Variants in RAB35 observed in about 807,000 individuals in gnomAD.
RAB35 encodes ras-related protein Rab-35.
Under a neutral mutation model 28.9 loss-of-function variants are expected in RAB35, and 4 were observed. That is an observed-to-expected ratio of 0.14 (90% CI 0.07 to 0.32). The LOEUF (loss-of-function observed/expected upper bound fraction) is 0.32, where lower values mean the gene tolerates loss of function less well. Among genes scored for constraint, RAB35 ranks in the 10% least tolerant of loss-of-function variants. The pLI, the probability that RAB35 is intolerant of heterozygous loss-of-function variation, is 1.00. For synonymous variants in RAB35, 99 were observed against 105.1 expected (o/e 0.94, Z 0.35); for missense variants, 128 against 274.0 (o/e 0.47, Z 3.76).
chr12:120,115,912 C>G (rs555040784), intron 1 of RAB35, among the ~76,000 whole-genome samples: 1 of 152,314 alleles, frequency 6.6e-6, no homozygotes, highest in Admixed American at 6.5e-5. Context: ...TAAGGCAGAT[C>G]CAACTATCAT....
intron 2 of RAB35, among the ~76,000 whole-genome samples, chr12:120,107,313 A>C (rs1243248535): frequency 1.3e-5 from 2 of 152,194 alleles, no homozygotes; most frequent in Non-Finnish European, 2.9e-5. Context: ...ACAAACAAAA[A>C]TGTGTTCCAT....
intron 3 of RAB35, among the ~76,000 whole-genome samples, chr12:120,099,762 A>G (rs1047908220): frequency 6.6e-6 from 1 of 152,138 alleles, no homozygotes; most frequent in Admixed American, 6.5e-5. Context: ...CACCCCAAAC[A>G]TGCAGAGCCC....
Position 120,095,935 on chromosome 12 carries a change from G to C in RAB35, c.*1310C>G, listed in dbSNP as rs1875367112. 1 of 158,188 alleles carries C rather than the reference G, an allele frequency of 6.3e-6. No homozygotes were observed. Among genetic ancestry groups the C allele is most frequent in the Non-Finnish European group, 1.4e-5 (1 of 71,952 alleles). The allele number at this position is 158,188 out of a possible 1,614,324, so 9.8% of individuals were successfully genotyped here. ...GTCACTTGATCCCTGTAGTGGGAGG[G>C]GAATGAGGTGTCCGGGCTGGGGGTC... On this transcript the variant is annotated 3_prime_UTR_variant, in exon 6 of 6. Transcript: ENST00000229340.
In RAB35 at chr12:120,107,276, C is replaced by T. The variant is rs1181900638; in HGVS notation, c.103+1141G>A. Among the ~76,000 whole-genome samples, 9 of 152,108 alleles carry T rather than the reference C, an allele frequency of 5.9e-5. No individual in the cohort carries two copies. The South Asian group carries it at 6.2e-4, about 11-fold the overall frequency. Reference sequence around the variant, plus strand: ...TGCTGGGATTACAGGTGTGAGCCACCGCACCCGGCTGAACCTGATGTATTT... The same window carrying T: ...TGCTGGGATTACAGGTGTGAGCCACTGCACCCGGCTGAACCTGATGTATTT... On this transcript the variant is annotated intron_variant, in intron 2 of 5. Transcript: ENST00000229340.
At chr12:120,116,514 A>C (rs2139066992) in intron 1 of RAB35, 85 bp downstream of exon 1, 21 of 701,006 alleles carry the variant, frequency 3.0e-5, no homozygotes, top group South Asian at 1.3e-4. Flanking sequence ...ACGGGCCGGC[A>C]CCTCCCCGCC....
Position 120,096,038 on chromosome 12 carries a change from C to G in RAB35, c.*1207G>C, listed in dbSNP as rs1464948311. 1 of 188,648 alleles carries G rather than the reference C, an allele frequency of 5.3e-6. No homozygotes were observed. The highest frequency in any genetic ancestry group is 2.4e-5 in the African/African-American group (1 of 41,906). 11.7% of individuals were successfully genotyped at this position (188,648 alleles called of 1,614,324 possible). A position where few individuals can be genotyped will look rare whatever the true frequency, so the allele number is the denominator to read the frequency against. ...GCGTGTCAAAACTGGCCGCCCCAGC[C>G]ATTCCTTCCCACCCGCCAGGAAATC... On this transcript the variant is annotated 3_prime_UTR_variant, in exon 6 of 6. Transcript: ENST00000229340.
chr12:120,114,037 G>A (rs761794495), intron 1 of RAB35, among the ~76,000 whole-genome samples: 4 of 152,144 alleles, frequency 2.6e-5, no homozygotes, highest in African/African-American at 7.2e-5. Context: ...AGTGGCTCCC[G>A]GCTTTGCCCC....
rs762863485 is a variant in RAB35, at chr12:120,108,447, G to A, written c.73C>T (p.Leu25=). 3.5e-5 allele frequency: 57 copies of A among 1,613,944 alleles called. 1 individual carries two copies. Among genetic ancestry groups the A allele is most frequent in the Non-Finnish European group, 4.7e-5 (55 of 1,179,918 alleles). The change falls in exon 2 of 6, where the codon CTG becomes TTG. Residue 25 remains leucine (L), a synonymous_variant. Transcript: ENST00000229340. ...AAAGTGTTGTCTGCAAAACGCAACA[G>A]TAAACTGCTCTTGCCCACACCTGCA... ...GDSGVGKSSL[L]LRFADNTFSG... is the part of the protein sequence containing the mutation.
At position 120,097,157 on chromosome 12, in the gene RAB35, G is replaced by A. The variant is rs767146675; in HGVS notation, c.*88C>T. 2.4e-5 allele frequency: 38 copies of A among 1,612,066 alleles called. No individual in the cohort carries two copies. Among genetic ancestry groups the A allele is most frequent in the Non-Finnish European group, 3.0e-5 (35 of 1,179,356 alleles). The stretch of plus-strand genomic sequence containing the variant: ...GAGAGAATTCTTTAAATAACGGCAC[G>A]AAACTGAGACTGTCCCCCGAGGAAC... On this transcript the variant is annotated 3_prime_UTR_variant, in exon 6 of 6. Coordinates refer to ENST00000229340, the MANE Select transcript of RAB35 (RefSeq NM_006861.7).
At chr12:120,098,185 A>G (rs1326114863) in intron 5 of RAB35, among the ~76,000 whole-genome samples, 1 of 152,206 alleles carries the variant, frequency 6.6e-6, no homozygotes, top group African/African-American at 2.4e-5. Context: ...CGCCCGGCCC[A>G]GCTGGAATCT....
intron 1 of RAB35, 62 bp from the exon 2 acceptor site, chr12:120,108,529 C>T: frequency 1.3e-6 from 2 of 1,506,276 alleles, no homozygotes; most frequent in Non-Finnish European, 1.8e-6. Context: ...CAGCCCCAGC[C>T]CTTCTTCCGG....
intron 3 of RAB35, 35 bp from the exon 4 acceptor site, chr12:120,099,189 C>A (rs2139048958): frequency 6.2e-7 from 1 of 1,612,854 alleles, no homozygotes; most frequent in East Asian, 2.2e-5. Flanking sequence ...CATGTCAACC[C>A]CGACAGGAGT....
At chr12:120,099,463 T>G in intron 3 of RAB35, 1 of 430,278 alleles carries the variant, frequency 2.3e-6, no homozygotes, top group Non-Finnish European at 4.2e-6. Context: ...TGAAACATCT[T>G]TGAAGTTCTT....
chr12:120,104,926 G>C (rs1335230765), intron 2 of RAB35, among the ~76,000 whole-genome samples: 1 of 152,220 alleles, frequency 6.6e-6, no homozygotes, highest in Non-Finnish European at 1.5e-5. Flanking sequence ...AAGCCACCGT[G>C]CCCGGCCTGA....
chr12:120,098,761 A>G, intron 5 of RAB35, 50 bp downstream of exon 5: 1 of 1,609,110 alleles, frequency 6.2e-7, no homozygotes, highest in Non-Finnish European at 8.5e-7. Flanking sequence ...AGCAGCATGG[A>G]GAAGGCGGCC....
At chr12:120,099,883 G>A (rs1442069117) in intron 3 of RAB35, among the ~76,000 whole-genome samples, 4 of 124,612 alleles carry the variant, frequency 3.2e-5, no homozygotes, top group African/African-American at 1.1e-4. Context: ...GGAGGAGGAG[G>A]GGGACCACAG....
At chr12:120,111,212 G>A (rs553454373) in intron 1 of RAB35, among the ~76,000 whole-genome samples, 7 of 152,342 alleles carry the variant, frequency 4.6e-5, no homozygotes, top group South Asian at 2.1e-4. Context: ...CACAGCAGGC[G>A]CCTAAGCAGG....
At chr12:120,099,328 G>C in intron 3 of RAB35, 174 bp from the exon 4 acceptor site, 3 of 814,312 alleles carry the variant, frequency 3.7e-6, no homozygotes, top group Non-Finnish European at 5.7e-6. Flanking sequence ...CAGCAGGAGA[G>C]GCTACTGCGG....
In RAB35 at chr12:120,116,739, A is replaced by C. The variant is rs900604227; in HGVS notation, c.-89T>G. On this transcript the variant is annotated 5_prime_UTR_variant, in exon 1 of 6. Transcript: ENST00000229340. The stretch of plus-strand genomic sequence containing the variant: ...CTTCGGGCTGCTCCGGCAGCGGCGG[A>C]TCCACTTCCCGAACAAACAGCCGGA... 8.4e-7 allele frequency: 1 copy of C among 1,197,118 alleles called. No homozygotes were observed. The highest frequency in any genetic ancestry group is 1.0e-6 in the Non-Finnish European group (1 of 964,578). 74.2% of individuals were successfully genotyped at this position (1,197,118 alleles called of 1,614,324 possible). A position where few individuals can be genotyped will look rare whatever the true frequency, so the allele number is the denominator to read the frequency against.
Sources: gnomAD v4.1 joint callset for allele counts (sites outside exome capture counted in the v4.1 genomes callset) on GRCh38, gnomAD v4.1.1 for gene constraint, MANE v1.5 for transcripts, NCBI Gene and HGNC (gene_info 2026-07-23, HGNC 2026-07-21) for gene names.